DENND5B: variants seen among roughly 807,000 people sequenced by gnomAD.
DENND5B encodes the protein DENN domain containing 5B.
Under a neutral mutation model 140.6 loss-of-function variants are expected in DENND5B, and 34 were observed. The ratio of observed to expected loss-of-function variants is 0.24; its 90% CI spans 0.18 to 0.32. The LOEUF is 0.32. DENND5B is among the 10% of genes least tolerant of loss of function. The pLI is 1.00. For synonymous variants in DENND5B, 551 were observed against 562.1 expected, an observed-to-expected ratio of 0.98 and a Z score of 0.28; for missense variants, 1,142 against 1,560.2, an observed-to-expected ratio of 0.73 and a Z score of 4.52.
chr12:31,453,144 C>T (rs1944616555), intron 4 of DENND5B, among the ~76,000 whole-genome samples: 1 of 152,140 alleles, frequency 6.6e-6, no homozygotes, highest in African/African-American at 2.4e-5. Flanking sequence ...ATTCACTAAA[C>T]CTCCTAGAGC....
At chr12:31,569,382 T>G (rs1949737750) in intron 1 of DENND5B, among the ~76,000 whole-genome samples, 1 of 152,164 alleles carries the variant, frequency 6.6e-6, no homozygotes, top group African/African-American at 2.4e-5. Context: ...CTTTTATGTG[T>G]GTAACATATA....
chr12:31,476,947 G>A (rs533596593), intron 3 of DENND5B, among the ~76,000 whole-genome samples: 3 of 151,466 alleles, frequency 2.0e-5, no homozygotes, highest in East Asian at 1.9e-4. Context: ...TCTTTTTTTC[G>A]GCCAGGCACA....
intron 1 of DENND5B, among the ~76,000 whole-genome samples, chr12:31,519,778 T>C (rs1169653433): frequency 6.6e-6 from 1 of 152,250 alleles, no homozygotes; most frequent in Non-Finnish European, 1.5e-5. Flanking sequence ...AGAATTTTTT[T>C]ATAACAGCTT....
chr12:31,521,317 T>C (rs1025977686), intron 1 of DENND5B, among the ~76,000 whole-genome samples: 3 of 151,510 alleles, frequency 2.0e-5, no homozygotes, highest in African/African-American at 7.3e-5. Flanking sequence ...AAAAAACTTT[T>C]TTTTTTTTTT....
chr12:31,498,046 G>A (rs1946851963), intron 1 of DENND5B, among the ~76,000 whole-genome samples: 2 of 152,074 alleles, frequency 1.3e-5, no homozygotes, highest in South Asian at 2.1e-4. Flanking sequence ...TTTCACTTTA[G>A]AGAAAAAACA....
chr12:31,421,046 ATTT>A (rs780411262), intron 11 of DENND5B, among the ~76,000 whole-genome samples: 2 of 151,584 alleles, frequency 1.3e-5, no homozygotes, highest in Non-Finnish European at 2.9e-5. Context: ...ACCCATCAAA[ATTT>A]TTTTTTGTTT....
At chr12:31,583,023 G>A (rs1950258842) in intron 1 of DENND5B, among the ~76,000 whole-genome samples, 1 of 152,228 alleles carries the variant, frequency 6.6e-6, no homozygotes, top group South Asian at 2.1e-4. Context: ...GCCAGGCGTG[G>A]TGGCTCACGC....
intron 2 of DENND5B, among the ~76,000 whole-genome samples, chr12:31,483,572 C>T (rs1461057105): frequency 6.6e-6 from 1 of 151,858 alleles, no homozygotes; most frequent in Non-Finnish European, 1.5e-5. Flanking sequence ...TCCCAAGTAG[C>T]TGGGATTACA....
At chr12:31,569,612 C>T (rs1346273555) in intron 1 of DENND5B, among the ~76,000 whole-genome samples, 1 of 151,686 alleles carries the variant, frequency 6.6e-6, no homozygotes, top group Non-Finnish European at 1.5e-5. Context: ...AGTTCAAGAC[C>T]AGCCTGGCCA....
intron 1 of DENND5B, among the ~76,000 whole-genome samples, chr12:31,517,278 A>G (rs562440530): frequency 6.6e-6 from 1 of 152,298 alleles, no homozygotes; most frequent in African/African-American, 2.4e-5. Flanking sequence ...CCACTTGATT[A>G]TCTAATATAG....
chr12:31,553,279 T>C (rs1949141122), intron 1 of DENND5B, among the ~76,000 whole-genome samples: 1 of 152,220 alleles, frequency 6.6e-6, no homozygotes, highest in Non-Finnish European at 1.5e-5. Context: ...TTCTCCTTGG[T>C]TTCAAGGAAC....
intron 17 of DENND5B, 91 bp from the exon 18 acceptor site, chr12:31,392,787 A>C (rs1374378256): frequency 1.6e-6 from 2 of 1,250,158 alleles, no homozygotes; most frequent in Non-Finnish European, 2.2e-6. Context: ...TAGGCAGGAA[A>C]TACGTCATCA....
At chr12:31,415,130 T>TA (rs2137589838) in intron 12 of DENND5B, among the ~76,000 whole-genome samples, 1 of 152,034 alleles carries the variant, frequency 6.6e-6, no homozygotes, top group South Asian at 2.1e-4. Flanking sequence ...TAAAATAAAA[T>TA]AAAAAAATTT....
At chr12:31,491,255 C>A (rs1415231945) in intron 2 of DENND5B, among the ~76,000 whole-genome samples, 1 of 152,012 alleles carries the variant, frequency 6.6e-6, no homozygotes, top group Non-Finnish European at 1.5e-5. Context: ...GAGTTTGAGA[C>A]CAGCCTGGCC....
intron 3 of DENND5B, among the ~76,000 whole-genome samples, chr12:31,468,304 T>C (rs1466363352): frequency 6.6e-6 from 1 of 152,016 alleles, no homozygotes; most frequent in African/African-American, 2.4e-5. Context: ...AATGAAAGTA[T>C]CAGATACTAA....
chr12:31,565,663 T>C (rs539413673), intron 1 of DENND5B, among the ~76,000 whole-genome samples: 2 of 152,340 alleles, frequency 1.3e-5, no homozygotes, highest in East Asian at 3.9e-4. Flanking sequence ...CTTTTACACA[T>C]GAGAATGATT....
At position 31,409,334 on chromosome 12, in the gene DENND5B, T is replaced by G; in HGVS notation, c.2732A>C (p.Gln911Pro). ...GAGAGAAAGAAGGTGGTAAAGAAAC[T>G]GCTCTCTTTCTTCTTCGCAACGTAG... Reference protein sequence around the residue: ...AFLRCEEEREQFLYHLLSLNA... With the variant: ...AFLRCEEEREPFLYHLLSLNA... Residue 911 changes from glutamine (Q) to proline (P), a missense_variant, in exon 14 of 21, where the codon CAG becomes CCG. By Grantham distance (76) the Gln-to-Pro change is moderately conservative. Coordinates refer to ENST00000389082, the MANE Select transcript of DENND5B (RefSeq NM_144973.4). 1.3e-6 allele frequency: 2 copies of G among 1,565,634 alleles called. No homozygotes were observed. Among genetic ancestry groups the G allele is most frequent in the Non-Finnish European group, 1.7e-6 (2 of 1,154,306 alleles).
At chr12:31,501,729 C>T (rs1192163397) in intron 1 of DENND5B, among the ~76,000 whole-genome samples, 18 of 148,538 alleles carry the variant, frequency 1.2e-4, no homozygotes, top group East Asian at 8.0e-4. Context: ...GCTGAGAACG[C>T]GCCACTGCAC....
At chr12:31,549,874 G>C (rs573290783) in intron 1 of DENND5B, among the ~76,000 whole-genome samples, 73 of 152,200 alleles carry the variant, frequency 4.8e-4, no homozygotes, top group African/African-American at 1.7e-3. Context: ...ATGGGCATTT[G>C]GGTTGATTCC....
Sources: gnomAD v4.1 joint callset for allele counts (sites outside exome capture counted in the v4.1 genomes callset) on GRCh38, gnomAD v4.1.1 for gene constraint, MANE v1.5 for transcripts, NCBI Gene and HGNC (gene_info 2026-07-23, HGNC 2026-07-21) for gene names.